The following ZFYVE16 variants were observed in gnomAD, a reference collection of about 807,000 sequenced individuals.
The protein encoded by ZFYVE16 is zinc finger FYVE domain-containing protein 16.
In ZFYVE16, 89 loss-of-function variants were observed where a neutral mutation model predicts 138.1. That is an observed-to-expected ratio of 0.64 (90% confidence interval 0.54 to 0.77). ZFYVE16 has a LOEUF of 0.77. Ranked by LOEUF, ZFYVE16 falls within the 30% of genes least tolerant of loss-of-function variation. The pLI is 0.00. For missense variants in ZFYVE16, 1,793 were observed against 1,786.7 expected (o/e 1.00, Z -0.06); for synonymous variants, 596 against 618.3 (o/e 0.96, Z 0.53).
intron 1 of ZFYVE16, among the ~76,000 whole-genome samples, chr5:80,424,858 A>T (rs1747765909): frequency 6.6e-6 from 1 of 152,254 alleles, no homozygotes; most frequent in Non-Finnish European, 1.5e-5. Flanking sequence ...AAAAAAAGGT[A>T]ACATGCTTCA....
chr5:80,471,585 C>T (rs868830307), intron 15 of ZFYVE16, among the ~76,000 whole-genome samples: 12 of 152,178 alleles, frequency 7.9e-5, no homozygotes, highest in Admixed American at 1.3e-4. Context: ...GTTGGCACCA[C>T]GGGACCAGAA....
chr5:80,445,193 C>CA, intron 6 of ZFYVE16, 70 bp from the exon 7 acceptor site: 1 of 1,542,862 alleles, frequency 6.5e-7, no homozygotes. Flanking sequence ...AAACATTTCA[C>CA]AATCTTTTTG....
chr5:80,470,600 C>T (rs1221171126), intron 15 of ZFYVE16, among the ~76,000 whole-genome samples: 2 of 151,916 alleles, frequency 1.3e-5, no homozygotes, highest in Non-Finnish European at 1.5e-5. Flanking sequence ...CAGCCTTGAA[C>T]TCCTGGGCTA....
chr5:80,435,485 C>G (rs953157388), intron 3 of ZFYVE16, among the ~76,000 whole-genome samples: 1 of 152,168 alleles, frequency 6.6e-6, no homozygotes, highest in Admixed American at 6.5e-5. Flanking sequence ...TTCTTTAAAA[C>G]GAAGACTAGG....
intron 15 of ZFYVE16, among the ~76,000 whole-genome samples, chr5:80,465,396 C>CTTTTTTTTTTTTTTTTTTTTT (rs1187412933): frequency 1.5e-4 from 4 of 26,398 alleles, no homozygotes; most frequent in South Asian, 1.4e-3. Context: ...TTTTCCTTTT[C>CTTTTTTTTTTTTTTTTTTTTT]TTTGTTTTTT....
At chr5:80,441,343 G>C in intron 5 of ZFYVE16, 2 of 985,416 alleles carry the variant, frequency 2.0e-6, no homozygotes, top group Non-Finnish European at 2.4e-6. Context: ...GTAGAATACT[G>C]AGATCAAGCT....
rs566616727 is a variant in ZFYVE16 at position 80,480,742 on chromosome 5, G to A, written c.*3365G>A. On this transcript the variant is annotated 3_prime_UTR_variant, in exon 19 of 19. Coordinates refer to ENST00000505560, the MANE Select transcript of ZFYVE16 (RefSeq NM_001284236.3). ...TTGAGACCAGAGTGAGCAACACAGG[G>A]AGACACTGTCTCTGCAAAATTAAAA... Among the ~76,000 whole-genome samples, 2 of 152,098 alleles carry A rather than the reference G, an allele frequency of 1.3e-5. No homozygotes were observed. The highest frequency in any genetic ancestry group is 4.2e-4 in the South Asian group (2 of 4,806).
Position 80,473,868 on chromosome 5 carries a change from G to A in ZFYVE16, c.4293+9G>A. ...TTGTAAAATGTACCGAGGTAACTAA[G>A]AAAGAAGGTCCCTTTACATGCTGTG... On this transcript the variant is annotated intron_variant, in intron 17 of 18. Coordinates refer to ENST00000505560, the MANE Select transcript of ZFYVE16 (RefSeq NM_001284236.3). 6.2e-7 allele frequency: 1 copy of A among 1,600,314 alleles called. No homozygotes were observed. The highest frequency in any genetic ancestry group is 8.6e-7 in the Non-Finnish European group (1 of 1,169,270).
rs1259043426 is a variant in ZFYVE16 at position 80,427,980 on chromosome 5, A to AAAAG, written c.-40+438_-40+439insGAAA. ...GAGCGAGACTCCATCTCAAAAAAAAAAAAAAAAAAAAAAAAAGATGCGGTT... is the reference window on the plus strand; with the variant it reads ...GAGCGAGACTCCATCTCAAAAAAAAAAAAGAAAAAAAAAAAAAAAAGATGCGGTT... On this transcript the variant is annotated intron_variant, in intron 2 of 18. Coordinates refer to ENST00000505560, the MANE Select transcript of ZFYVE16 (RefSeq NM_001284236.3). 3.3e-5 allele frequency among the ~76,000 whole-genome samples: 5 copies of AAAAG among 149,636 alleles called. 1 individual carries two copies. Among genetic ancestry groups the AAAAG allele is most frequent in the African/African-American group, 7.3e-5 (3 of 41,034 alleles).
rs1746250518 is a variant in ZFYVE16, at chr5:80,416,381, A to G, written c.-94+8228A>G. The stretch of plus-strand genomic sequence containing the variant: ...AGCGATTCTCCTGCCTCAGCCTCAC[A>G]AGTAGCTGGGATTATAGGCACGCAG... On this transcript the variant is annotated intron_variant, in intron 1 of 18. Transcript: ENST00000505560. 2.7e-5 allele frequency among the ~76,000 whole-genome samples: 4 copies of G among 149,492 alleles called. 1 individual carries two copies. The South Asian group carries it at 8.5e-4, about 32-fold the overall frequency.
chr5:80,455,908 T>C, intron 12 of ZFYVE16, 134 bp downstream of exon 12: 11 of 788,244 alleles, frequency 1.4e-5, no homozygotes, highest in Non-Finnish European at 2.1e-5. Flanking sequence ...TTACAATAAA[T>C]CCTAATTATT....
At position 80,408,070 on chromosome 5, in the gene ZFYVE16, A is replaced by C. The variant is rs1330845612; in HGVS notation, c.-177A>C. On this transcript the variant is annotated 5_prime_UTR_variant, in exon 1 of 19. Coordinates refer to ENST00000505560, the MANE Select transcript of ZFYVE16 (RefSeq NM_001284236.3). Reference sequence around the variant, plus strand: ...CCCTGAGCCGGGATCTGGCACTCCCAGGACTCCCGGCCGGGGTAGCTCTTC... The same window carrying C: ...CCCTGAGCCGGGATCTGGCACTCCCCGGACTCCCGGCCGGGGTAGCTCTTC... 2 of 152,370 alleles carry C rather than the reference A, an allele frequency of 1.3e-5. No individual in the cohort carries two copies. Among genetic ancestry groups the C allele is most frequent in the East Asian group, 3.9e-4 (2 of 5,158 alleles). 9.4% of individuals were successfully genotyped at this position (152,370 alleles called of 1,614,324 possible). A position where few individuals can be genotyped will look rare whatever the true frequency, so the allele number is the denominator to read the frequency against.
Position 80,480,360 on chromosome 5 carries a change from A to G in ZFYVE16, c.*2983A>G, listed in dbSNP as rs1391994173. On this transcript the variant is annotated 3_prime_UTR_variant, in exon 19 of 19. Transcript: ENST00000505560. ...AAATAGATGTAATAGAATGTAGCCA[A>G]TTGGGGTAGTTTATAAACTGGAAGA... 3.3e-5 allele frequency among the ~76,000 whole-genome samples: 5 copies of G among 152,118 alleles called. No individual in the cohort carries two copies. Among genetic ancestry groups the G allele is most frequent in the African/African-American group, 1.2e-4 (5 of 41,418 alleles).
chr5:80,426,228 G>GTA (rs1382749319), intron 1 of ZFYVE16, among the ~76,000 whole-genome samples: 1 of 125,906 alleles, frequency 7.9e-6, no homozygotes, highest in Admixed American at 8.3e-5. Context: ...GTGTGTGTGT[G>GTA]TATGTGTGTG....
In ZFYVE16 at chr5:80,480,559, G is replaced by T. The variant is rs551449752; in HGVS notation, c.*3182G>T. 2.2e-4 allele frequency among the ~76,000 whole-genome samples: 34 copies of T among 152,188 alleles called. No individual in the cohort carries two copies. In the East Asian group the frequency reaches 4.2e-3, roughly 19 times the overall value. On this transcript the variant is annotated 3_prime_UTR_variant, in exon 19 of 19. Coordinates refer to ENST00000505560, the MANE Select transcript of ZFYVE16 (RefSeq NM_001284236.3). ...AGAATGCAGAATTTTAAAAACTGAT[G>T]AAAGACATGACCCCACACATTCTAG...
rs747841980 is a variant in ZFYVE16, at chr5:80,459,398, T to C, written c.3944-16T>C. Reference sequence around the variant, plus strand: ...TGAGCAGTTTAAAACAAATAATTGTTGTATTTCTTGATCAGTGACAGGTGC... The same window carrying C: ...TGAGCAGTTTAAAACAAATAATTGTCGTATTTCTTGATCAGTGACAGGTGC... On this transcript the variant is annotated splice_polypyrimidine_tract_variant and intron_variant, in intron 14 of 18. Coordinates refer to ENST00000505560, the MANE Select transcript of ZFYVE16 (RefSeq NM_001284236.3). The C allele has an allele frequency of 1.2e-6, 2 of 1,606,978 alleles. No homozygotes were observed. The highest frequency in any genetic ancestry group is 1.7e-6 in the Non-Finnish European group (2 of 1,176,506).
intron 1 of ZFYVE16, among the ~76,000 whole-genome samples, chr5:80,415,857 G>A (rs1180729160): frequency 3.3e-5 from 5 of 151,848 alleles, no homozygotes; most frequent in African/African-American, 1.2e-4. Context: ...TAGTAGAGAC[G>A]GGGTTTCGCC....
Position 80,438,207 on chromosome 5 carries a change from A to T in ZFYVE16, c.1522A>T (p.Met508Leu), listed in dbSNP as rs780244070. The change falls in exon 4 of 19, where the codon ATG becomes TTG. Residue 508 changes from methionine to leucine, a missense_variant. Around this residue, in one of 2 missense-constraint regions of ZFYVE16, gnomAD observed 1,295 missense variants for 1,204.3 expected, o/e 1.08. Transcript: ENST00000505560. ...GFINTFSSNDMDGQDLDYFNI... is the reference protein window; with the variant it reads ...GFINTFSSNDLDGQDLDYFNI... The stretch of plus-strand genomic sequence containing the variant: ...TATTAATACTTTTTCAAGCAATGAT[A>T]TGGATGGGCAAGACTTAGATTACTT... 2 of 1,614,020 alleles carry T rather than the reference A, an allele frequency of 1.2e-6. No individual in the cohort carries two copies. Among genetic ancestry groups the T allele is most frequent in the Admixed American group, 3.3e-5 (2 of 60,008 alleles).
chr5:80,433,231 T>TA (rs1243767223), intron 2 of ZFYVE16, among the ~76,000 whole-genome samples: 1 of 152,138 alleles, frequency 6.6e-6, no homozygotes, highest in Non-Finnish European at 1.5e-5. Context: ...ATGTGGCACA[T>TA]ATACACCATG....
Sources: gnomAD v4.1 joint callset for allele counts (sites outside exome capture counted in the v4.1 genomes callset) on GRCh38, gnomAD v4.1.1 for gene constraint, gnomAD v4.1.1 regional missense constraint, MANE v1.5 for transcripts, NCBI Gene and HGNC (gene_info 2026-07-23, HGNC 2026-07-21) for gene names.